STK32B: variants seen among roughly 807,000 people sequenced by gnomAD.
STK32B encodes the protein serine/threonine kinase 32B, also known as serine/threonine-protein kinase 32B.
Under a neutral mutation model 52.6 loss-of-function variants are expected in STK32B, and 43 were observed. That is an observed-to-expected ratio of 0.82 (90% CI 0.64 to 1.05). The LOEUF is 1.05. STK32B is among the 50% of genes least tolerant of loss of function. STK32B has a pLI of 0.00. For missense variants in STK32B, 621 were observed against 534.6 expected (o/e 1.16, Z -1.59); for synonymous variants, 238 against 204.3 (o/e 1.17, Z -1.41).
chr4:5,232,690 TG>T (rs1314564622), intron 3 of STK32B, among the ~76,000 whole-genome samples: 1 of 152,190 alleles, frequency 6.6e-6, no homozygotes, highest in Non-Finnish European at 1.5e-5. Flanking sequence ...CATTTCCATG[TG>T]AAGCTGGAGA....
rs536892100 is a variant in STK32B at position 5,470,998 on chromosome 4, A to G, written c.1106+2928A>G. ...TCCCCAGCAGTTCCGCCTCCTTTCA[A>G]TCTCTGCAGACCTGGCCATCAGCCT... On this transcript the variant is annotated intron_variant, in intron 11 of 11. Coordinates refer to ENST00000282908, the MANE Select transcript of STK32B (RefSeq NM_018401.3). The surrounding 1 kb of genome is among the most constrained non-coding windows in gnomAD (Gnocchi z 4.6). 3.3e-5 allele frequency among the ~76,000 whole-genome samples: 5 copies of G among 152,282 alleles called. No homozygotes were observed. Among genetic ancestry groups the G allele is most frequent in the African/African-American group, 9.6e-5 (4 of 41,572 alleles).
At chr4:5,046,236 G>A in the STK32B span, among the ~76,000 whole-genome samples, 17 of 152,182 alleles carry the variant, frequency 1.1e-4, no homozygotes, top group Middle Eastern at 3.4e-3. Flanking sequence ...CCTAATTTTC[G>A]ACAAACGTGA....
In STK32B at chr4:5,396,903, T is replaced by C. The variant is rs1736955613; in HGVS notation, c.435-1304T>C. The stretch of plus-strand genomic sequence containing the variant: ...AGTTCTCAAGTTCATCCCTCCCATG[T>C]GGCTCCCTACGGGTCTCTGCGGTAA... On this transcript the variant is annotated intron_variant, in intron 4 of 11. Coordinates refer to ENST00000282908, the MANE Select transcript of STK32B (RefSeq NM_018401.3). The surrounding 1 kb of genome is among the most constrained non-coding windows in gnomAD (Gnocchi z 4.7). 6.6e-6 allele frequency among the ~76,000 whole-genome samples: 1 copy of C among 152,234 alleles called. No individual in the cohort carries two copies. The highest frequency in any genetic ancestry group is 1.9e-4 in the East Asian group (1 of 5,196).
chr4:5,068,022 A>G (rs938339129), intron 1 of STK32B, among the ~76,000 whole-genome samples: 1 of 152,174 alleles, frequency 6.6e-6, no homozygotes, highest in African/African-American at 2.4e-5. Context: ...ATAATTCAGC[A>G]TGAGATTTGG....
At chr4:5,315,624 A>G (rs1330203178) in intron 3 of STK32B, among the ~76,000 whole-genome samples, 1 of 152,006 alleles carries the variant, frequency 6.6e-6, no homozygotes, top group East Asian at 1.9e-4. Flanking sequence ...GAAAGAGTAG[A>G]TGAAGGAAGG....
At chr4:5,199,820 G>T (rs928260563) in intron 3 of STK32B, among the ~76,000 whole-genome samples, 1 of 150,038 alleles carries the variant, frequency 6.7e-6, no homozygotes, top group Non-Finnish European at 1.5e-5. Flanking sequence ...CTGCTCGTCT[G>T]TGAAGCCTTC....
At chr4:5,379,387 C>A (rs1425699609) in intron 4 of STK32B, among the ~76,000 whole-genome samples, 1 of 152,234 alleles carries the variant, frequency 6.6e-6, no homozygotes, top group African/African-American at 2.4e-5. Flanking sequence ...CAGCTCCTCC[C>A]GGGCTCTCTA....
chr4:5,377,872 A>G (rs1408261214), intron 4 of STK32B, among the ~76,000 whole-genome samples: 2 of 152,204 alleles, frequency 1.3e-5, no homozygotes, highest in Non-Finnish European at 2.9e-5. Flanking sequence ...TCTCTTCTTT[A>G]TGAATTACCC....
chr4:5,369,355 AG>A (rs1465893100), intron 4 of STK32B, among the ~76,000 whole-genome samples: 1 of 151,946 alleles, frequency 6.6e-6, no homozygotes, highest in Non-Finnish European at 1.5e-5. Context: ...TTCTTCCTTT[AG>A]TTAAGCCACA....
At chr4:5,295,125 A>C (rs7693004) in intron 3 of STK32B, among the ~76,000 whole-genome samples, 1 of 152,074 alleles carries the variant, frequency 6.6e-6, no homozygotes, top group African/African-American at 2.4e-5. Context: ...GGATGAAGCC[A>C]ACTTAATTGT....
chr4:5,483,953 C>A (rs995813576), intron 11 of STK32B, among the ~76,000 whole-genome samples: 5 of 152,054 alleles, frequency 3.3e-5, no homozygotes, highest in Admixed American at 3.3e-4. Flanking sequence ...GTCTGAGAGA[C>A]AGTTTGTTAT....
At position 5,400,363 on chromosome 4, in the gene STK32B, C is replaced by T. The variant is rs1390325650; in HGVS notation, c.472+2119C>T. ...CCTTCCCCACATTCTTTCTGCATCTCGTTCTGCCCCCTTGAGCTCCTCATC... is the reference window on the plus strand; with the variant it reads ...CCTTCCCCACATTCTTTCTGCATCTTGTTCTGCCCCCTTGAGCTCCTCATC... On this transcript the variant is annotated intron_variant, in intron 5 of 11. Transcript: ENST00000282908. The surrounding 1 kb of genome is among the most constrained non-coding windows in gnomAD (Gnocchi z 6.1). Among the ~76,000 whole-genome samples the T allele has an allele frequency of 6.6e-6, 1 of 152,166 alleles. No individual in the cohort carries two copies. Among genetic ancestry groups the T allele is most frequent in the Admixed American group, 6.5e-5 (1 of 15,278 alleles).
chr4:5,265,483 G>GT (rs1560272043), intron 3 of STK32B, among the ~76,000 whole-genome samples: 2 of 152,116 alleles, frequency 1.3e-5, no homozygotes, highest in African/African-American at 2.4e-5. Context: ...TCCACCTCCA[G>GT]TTGGAAGCAC....
At chr4:5,334,689 G>C (rs1036666008) in intron 4 of STK32B, among the ~76,000 whole-genome samples, 1 of 121,210 alleles carries the variant, frequency 8.3e-6, no homozygotes. Flanking sequence ...AGCCTGAAGG[G>C]TTGTTGAATT....
intron 3 of STK32B, among the ~76,000 whole-genome samples, chr4:5,182,720 A>C (rs1720455206): frequency 6.6e-6 from 1 of 152,146 alleles, no homozygotes; most frequent in African/African-American, 2.4e-5. Flanking sequence ...CGGCCTCTCA[A>C]AGTGCTGGGA....
intron 2 of STK32B, among the ~76,000 whole-genome samples, chr4:5,157,070 G>A (rs778484311): frequency 1.1e-4 from 16 of 152,200 alleles, no homozygotes; most frequent in Admixed American, 2.6e-4. Context: ...GGAATTAGCA[G>A]GAATTCGATT....
intron 6 of STK32B, among the ~76,000 whole-genome samples, chr4:5,430,217 C>T (rs1250470326): frequency 2.0e-5 from 3 of 152,118 alleles, no homozygotes; most frequent in African/African-American, 4.8e-5. Context: ...ATTTCAAAAC[C>T]CGAAGTGAGA....
intron 4 of STK32B, among the ~76,000 whole-genome samples, chr4:5,356,950 A>G (rs573236240): frequency 6.6e-6 from 1 of 152,202 alleles, no homozygotes; most frequent in African/African-American, 2.4e-5. Flanking sequence ...GTGAGCCGAG[A>G]TCGTGCCATT....
chr4:5,163,368 G>A (rs1280969831), intron 2 of STK32B, among the ~76,000 whole-genome samples: 2 of 152,218 alleles, frequency 1.3e-5, no homozygotes, highest in Admixed American at 6.5e-5. Context: ...CAGGATTTAT[G>A]GCAGCTTAGT....
Sources: allele counts gnomAD v4.1 joint callset (sites outside exome capture counted in the v4.1 genomes callset), GRCh38; gene constraint gnomAD v4.1.1; non-coding constraint Gnocchi (gnomAD v3.1); transcripts MANE v1.5; gene names NCBI Gene and HGNC (gene_info 2026-07-23, HGNC 2026-07-21).